The following RASAL2 variants were observed in gnomAD, a reference collection of about 807,000 sequenced individuals.
RASAL2 encodes the protein RAS protein activator like 2, also known as ras GTPase-activating protein nGAP.
A neutral mutation model predicts 128.9 loss-of-function variants in RASAL2; 58 were observed. The observed-to-expected ratio is 0.45, with a 90% CI of 0.36 to 0.56. RASAL2 has a LOEUF of 0.56. Ranked by LOEUF, RASAL2 falls within the 20% of genes least tolerant of loss-of-function variation. The pLI is 0.00. For missense variants in RASAL2, 1,360 were observed against 1,601.6 expected, an observed-to-expected ratio of 0.85 and a Z score of 2.57; for synonymous variants, 561 against 580.8, an observed-to-expected ratio of 0.97 and a Z score of 0.49.
At chr1:178,267,446 A>G (rs890079388) in intron 1 of RASAL2, among the ~76,000 whole-genome samples, 5 of 149,774 alleles carry the variant, frequency 3.3e-5, no homozygotes, top group South Asian at 2.1e-4. Flanking sequence ...CATGCTGAGT[A>G]TGGTTGAATA....
intron 3 of RASAL2, among the ~76,000 whole-genome samples, chr1:178,323,703 G>A (rs1309130867): frequency 6.6e-6 from 1 of 152,018 alleles, no homozygotes; most frequent in Non-Finnish European, 1.5e-5. Flanking sequence ...TTTATTAATA[G>A]TAAATCACTT....
At chr1:178,330,723 G>A (rs1220570642) in intron 3 of RASAL2, among the ~76,000 whole-genome samples, 1 of 152,032 alleles carries the variant, frequency 6.6e-6, no homozygotes, top group East Asian at 1.9e-4. Context: ...TGTATAAAGA[G>A]GTAAGGTTTT....
At position 178,313,615 on chromosome 1, in the gene RASAL2, CAGGGAGCTGGAACTGCAGG is replaced by C. The variant is rs933913585; in HGVS notation, c.457+13498_457+13516del. ...AAGCAATCCTCCCACCTCAGCCTCC[CAGGGAGCTGGAACTGCAGG>C]TGCACACCACCACACCCAGCTAATT... On this transcript the variant is annotated intron_variant, in intron 3 of 17. Coordinates refer to ENST00000367649, the MANE Select transcript of RASAL2 (RefSeq NM_170692.4). Among the ~76,000 whole-genome samples, 54 of 152,080 alleles carry C rather than the reference CAGGGAGCTGGAACTGCAGG, an allele frequency of 3.6e-4. 1 individual carries two copies. Among genetic ancestry groups the C allele is most frequent in the Admixed American group, 9.2e-4 (14 of 15,268 alleles).
chr1:178,190,736 TA>T (rs34917770), intron 1 of RASAL2, among the ~76,000 whole-genome samples: 143,489 of 148,930 alleles, frequency 0.96, 69,206 homozygotes, highest in East Asian at 0.99. Flanking sequence ...ATTTCATAGT[TA>T]AAAAAAAAAA....
chr1:178,319,591 C>G (rs1668650265), intron 3 of RASAL2, among the ~76,000 whole-genome samples: 1 of 147,112 alleles, frequency 6.8e-6, no homozygotes, highest in African/African-American at 2.7e-5. Flanking sequence ...CGTATCGGCT[C>G]CTGAGGCTTC....
At chr1:178,345,295 A>G (rs1259168449) in intron 3 of RASAL2, among the ~76,000 whole-genome samples, 1 of 152,160 alleles carries the variant, frequency 6.6e-6, no homozygotes, top group Non-Finnish European at 1.5e-5. Context: ...TCTTTGAAGA[A>G]GAAAAGATAC....
At chr1:178,302,195 G>A (rs978850917) in intron 3 of RASAL2, among the ~76,000 whole-genome samples, 2 of 152,104 alleles carry the variant, frequency 1.3e-5, no homozygotes, top group Admixed American at 1.3e-4. Flanking sequence ...GTATTTCATT[G>A]AATAATTGCT....
intron 1 of RASAL2, among the ~76,000 whole-genome samples, chr1:178,125,990 A>G (rs767741084): frequency 6.6e-6 from 1 of 152,232 alleles, no homozygotes; most frequent in African/African-American, 2.4e-5. Context: ...AGATAGTTAT[A>G]ATAACTGATA....
chr1:178,235,479 T>G (rs1401595527), intron 1 of RASAL2, among the ~76,000 whole-genome samples: 2 of 152,162 alleles, frequency 1.3e-5, no homozygotes, highest in Non-Finnish European at 2.9e-5. Context: ...AGTTTAAGTT[T>G]AAGGTGCTAT....
At chr1:178,279,260 G>C (rs1006715716) in intron 1 of RASAL2, among the ~76,000 whole-genome samples, 4 of 151,912 alleles carry the variant, frequency 2.6e-5, no homozygotes, top group African/African-American at 9.7e-5. Context: ...ATTTTTATTA[G>C]TGACTCTTTT....
In RASAL2 at chr1:178,452,297, A is replaced by C. The variant is rs990506019; in HGVS notation, c.1773-119A>C. Reference sequence around the variant, plus strand: ...GGTAAAACCTCATCCCGGAATTTCTACTAGGTCCTCCTCACAGCCTGACTC... The same window carrying C: ...GGTAAAACCTCATCCCGGAATTTCTCCTAGGTCCTCCTCACAGCCTGACTC... On this transcript the variant is annotated intron_variant, in intron 10 of 17. Coordinates refer to ENST00000367649, the MANE Select transcript of RASAL2 (RefSeq NM_170692.4). 5 of 837,760 alleles carry C rather than the reference A, an allele frequency of 6.0e-6. No individual in the cohort carries two copies. The African/African-American group carries it at 8.5e-5, about 14-fold the overall frequency. The allele number at this position is 837,760 out of a possible 1,614,324, so 51.9% of individuals were successfully genotyped here. A position where few individuals can be genotyped will look rare whatever the true frequency, so the allele number is the denominator to read the frequency against.
chr1:178,405,056 C>T (rs776481760), intron 4 of RASAL2, among the ~76,000 whole-genome samples: 5 of 152,118 alleles, frequency 3.3e-5, no homozygotes, highest in Admixed American at 1.3e-4. Flanking sequence ...AGGATGACAA[C>T]GAATTCAGTT....
intron 5 of RASAL2, among the ~76,000 whole-genome samples, chr1:178,434,537 A>G (rs1247268472): frequency 1.3e-5 from 2 of 152,144 alleles, no homozygotes; most frequent in Non-Finnish European, 2.9e-5. Context: ...AGGGAGAAGT[A>G]AGACCTATAT....
At chr1:178,399,136 C>T (rs1211013956) in intron 4 of RASAL2, among the ~76,000 whole-genome samples, 2 of 152,196 alleles carry the variant, frequency 1.3e-5, no homozygotes, top group South Asian at 2.1e-4. Flanking sequence ...AATGAATTAT[C>T]TGTTGCCCAC....
At chr1:178,426,395 T>G (rs147582127) in intron 5 of RASAL2, among the ~76,000 whole-genome samples, 56 of 152,184 alleles carry the variant, frequency 3.7e-4, no homozygotes, top group African/African-American at 1.2e-3. Flanking sequence ...AGGATCACTT[T>G]AGGCCAGGAC....
At position 178,473,078 on chromosome 1, in the gene RASAL2, A is replaced by G. The variant is rs1199238323; in HGVS notation, c.3682A>G (p.Lys1228Glu). Residue 1228 changes from lysine to glutamate, a missense_variant, in exon 18 of 18, where the codon AAA (lysine) becomes GAA (glutamate). Physicochemically the swap from Lys to Glu is moderately conservative, Grantham distance 56. Around this residue, in one of 3 missense-constraint regions of RASAL2, gnomAD observed 741 missense variants for 868.6 expected, o/e 0.85. Transcript: ENST00000367649. Reference sequence around the variant, plus strand: ...AGCCATGATTGGTGTGTTGTAGGAAAAACGGATCGTGTCCCTGGATTCAGC... The same window carrying G: ...AGCCATGATTGGTGTGTTGTAGGAAGAACGGATCGTGTCCCTGGATTCAGC... ...AKQKIIDAQE[K>E]RIVSLDSANT... 20 of 1,614,044 alleles carry G rather than the reference A, an allele frequency of 1.2e-5. No individual in the cohort carries two copies. Among genetic ancestry groups the G allele is most frequent in the Non-Finnish European group, 8.5e-7 (1 of 1,180,006 alleles).
At chr1:178,325,435 G>GT (rs1668991165) in intron 3 of RASAL2, among the ~76,000 whole-genome samples, 1 of 152,006 alleles carries the variant, frequency 6.6e-6, no homozygotes, top group Non-Finnish European at 1.5e-5. Context: ...CAAATCTTTT[G>GT]TAATTAATTT....
intron 1 of RASAL2, among the ~76,000 whole-genome samples, chr1:178,112,410 C>T (rs142371520): frequency 1.7e-3 from 252 of 151,844 alleles, no homozygotes; most frequent in African/African-American, 5.9e-3. Flanking sequence ...GTTAGCTGGG[C>T]GTGGTGGTGT....
At chr1:178,167,328 G>T (rs1480954472) in intron 1 of RASAL2, among the ~76,000 whole-genome samples, 1 of 152,016 alleles carries the variant, frequency 6.6e-6, no homozygotes, top group Non-Finnish European at 1.5e-5. Context: ...TCATATAAGT[G>T]ATTTTACTTG....
Sources: gnomAD v4.1 joint callset for allele counts (sites outside exome capture counted in the v4.1 genomes callset) on GRCh38, gnomAD v4.1.1 for gene constraint, gnomAD v4.1.1 regional missense constraint, MANE v1.5 for transcripts, NCBI Gene and HGNC (gene_info 2026-07-23, HGNC 2026-07-21) for gene names.